CNBD1: variants seen among roughly 807,000 people sequenced by gnomAD.
The protein encoded by CNBD1 is cyclic nucleotide-binding domain-containing protein 1.
A neutral mutation model predicts 54.4 loss-of-function variants in CNBD1; 71 were observed. That is an observed-to-expected ratio of 1.30 (90% CI 1.08 to 1.59). The LOEUF is 1.59. CNBD1 is among the 40% of genes most tolerant of loss of function. The pLI, the probability that CNBD1 is intolerant of heterozygous loss-of-function variation, is 0.00. For missense variants in CNBD1, 659 were observed against 518.0 expected (o/e 1.27, Z -2.64); for synonymous variants, 182 against 170.7 (o/e 1.07, Z -0.51).
At chr8:87,125,486 G>A (rs1230805588) in intron 4 of CNBD1, among the ~76,000 whole-genome samples, 1 of 151,740 alleles carries the variant, frequency 6.6e-6, no homozygotes, top group African/African-American at 2.4e-5. Context: ...TGCATTTATA[G>A]TCAAAATATT....
chr8:87,116,185 A>G (rs1200724212), intron 4 of CNBD1, among the ~76,000 whole-genome samples: 2 of 108,796 alleles, frequency 1.8e-5, no homozygotes, highest in East Asian at 2.7e-4. Flanking sequence ...ATTTTATTCT[A>G]TTCTCATGTC....
chr8:86,906,819 T>C (rs1447444948), intron 3 of CNBD1, among the ~76,000 whole-genome samples: 1 of 152,174 alleles, frequency 6.6e-6, no homozygotes, highest in Non-Finnish European at 1.5e-5. Flanking sequence ...GGTAATGAAA[T>C]ACCATCTTCA....
intron 10 of CNBD1, among the ~76,000 whole-genome samples, chr8:87,369,466 G>A (rs900924099): frequency 6.6e-6 from 1 of 152,008 alleles, no homozygotes; most frequent in African/African-American, 2.4e-5. Context: ...TCTGTCTGAA[G>A]ATCTTATTTC....
chr8:87,016,788 A>G (rs934122680), intron 4 of CNBD1, among the ~76,000 whole-genome samples: 2 of 152,218 alleles, frequency 1.3e-5, no homozygotes, highest in Non-Finnish European at 2.9e-5. Context: ...TCAGCCTAGT[A>G]GGCCAGATAA....
intron 10 of CNBD1, among the ~76,000 whole-genome samples, chr8:87,381,166 A>G (rs1811065036): frequency 6.6e-6 from 1 of 152,052 alleles, no homozygotes; most frequent in South Asian, 2.1e-4. Context: ...CAAAATATAT[A>G]AGACAATATT....
chr8:87,171,414 C>G (rs1454639950), intron 4 of CNBD1, among the ~76,000 whole-genome samples: 1 of 150,132 alleles, frequency 6.7e-6, no homozygotes, highest in Non-Finnish European at 1.5e-5. Context: ...CTCTTTTTTT[C>G]TTAGTCTGGC....
At chr8:86,978,997 A>G (rs1203111497) in intron 4 of CNBD1, among the ~76,000 whole-genome samples, 1 of 152,126 alleles carries the variant, frequency 6.6e-6, no homozygotes, top group Non-Finnish European at 1.5e-5. Flanking sequence ...GTAACTTTTC[A>G]TGGTAGTAAT....
At chr8:87,427,299 G>A (rs941333890) in intron 2 of CNBD1, among the ~76,000 whole-genome samples, 1 of 151,998 alleles carries the variant, frequency 6.6e-6, no homozygotes, top group African/African-American at 2.4e-5. Flanking sequence ...GTATAAAATT[G>A]TTTCACTGCT....
intron 6 of CNBD1, among the ~76,000 whole-genome samples, chr8:87,274,623 T>G (rs1456296245): frequency 7.3e-6 from 1 of 137,218 alleles, no homozygotes; most frequent in East Asian, 2.0e-4. Flanking sequence ...GTTGTTTGTT[T>G]TTTTCTTGTA....
chr8:86,986,704 G>A (rs532649010), intron 4 of CNBD1, among the ~76,000 whole-genome samples: 2 of 152,270 alleles, frequency 1.3e-5, no homozygotes, highest in East Asian at 3.9e-4. Flanking sequence ...ATGATTGGTA[G>A]GGGTCCAACT....
intron 4 of CNBD1, among the ~76,000 whole-genome samples, chr8:87,161,341 A>C (rs778576212): frequency 3.3e-5 from 5 of 152,182 alleles, no homozygotes; most frequent in Non-Finnish European, 7.4e-5. Context: ...TCGTAGATGC[A>C]ACCAGCTGGA....
chr8:87,167,225 T>C (rs1322738952), intron 4 of CNBD1, among the ~76,000 whole-genome samples: 1 of 152,002 alleles, frequency 6.6e-6, no homozygotes, highest in African/African-American at 2.4e-5. Flanking sequence ...TCTTTGTTTC[T>C]ACGGACATTT....
At chr8:87,202,711 G>A (rs1172837857) in intron 4 of CNBD1, among the ~76,000 whole-genome samples, 1 of 152,134 alleles carries the variant, frequency 6.6e-6, no homozygotes, top group Non-Finnish European at 1.5e-5. Context: ...GGCTAGAAGT[G>A]GAAAATGCCT....
intron 4 of CNBD1, among the ~76,000 whole-genome samples, chr8:87,141,224 A>G (rs1563484563): frequency 2.0e-5 from 3 of 152,064 alleles, no homozygotes; most frequent in Non-Finnish European, 1.5e-5. Flanking sequence ...TTATTCTCTT[A>G]TAAAATCCTA....
At chr8:87,419,280 G>T (rs1343969816) in intron 2 of CNBD1, among the ~76,000 whole-genome samples, 1 of 151,856 alleles carries the variant, frequency 6.6e-6, no homozygotes, top group Non-Finnish European at 1.5e-5. Flanking sequence ...AGAAAGATTA[G>T]TGTTTGCTAG....
intron 5 of CNBD1, among the ~76,000 whole-genome samples, chr8:87,215,057 G>T (rs903936385): frequency 1.3e-5 from 2 of 152,120 alleles, no homozygotes; most frequent in Non-Finnish European, 2.9e-5. Context: ...ATTCACAGTA[G>T]CCATTATGTG....
chr8:87,051,437 C>T (rs553705432), intron 4 of CNBD1, among the ~76,000 whole-genome samples: 1 of 152,276 alleles, frequency 6.6e-6, no homozygotes, highest in South Asian at 2.1e-4. Context: ...ATTAAAGACA[C>T]ACACACAGAA....
At chr8:87,304,556 C>T (rs1312229047) in intron 8 of CNBD1, among the ~76,000 whole-genome samples, 1 of 151,990 alleles carries the variant, frequency 6.6e-6, no homozygotes, top group Non-Finnish European at 1.5e-5. Flanking sequence ...TTAATGGGTG[C>T]AGCACACCAA....
intron 8 of CNBD1, among the ~76,000 whole-genome samples, chr8:87,292,050 G>A (rs376507812): frequency 1.3e-5 from 2 of 152,214 alleles, no homozygotes; most frequent in East Asian, 3.9e-4. Context: ...CATCTGGGTT[G>A]TATTAACATT....
Sources: allele counts gnomAD v4.1 joint callset (sites outside exome capture counted in the v4.1 genomes callset), GRCh38; gene constraint gnomAD v4.1.1; transcripts MANE v1.5; gene names NCBI Gene and HGNC (gene_info 2026-07-23, HGNC 2026-07-21).